Variants in BNC2 observed in about 807,000 individuals in gnomAD.
BNC2 encodes basonuclin zinc finger protein 2.
Under a neutral mutation model 76.3 loss-of-function variants are expected in BNC2, and 20 were observed. The observed-to-expected ratio is 0.26, with a 90% confidence interval of 0.18 to 0.38. BNC2 has a LOEUF of 0.38. Ranked by LOEUF, BNC2 falls within the 10% of genes least tolerant of loss-of-function variation. BNC2 has a pLI of 1.00. For missense variants in BNC2, 1,382 were observed against 1,399.8 expected, an observed-to-expected ratio of 0.99 and a Z score of 0.20; for synonymous variants, 582 against 514.8, an observed-to-expected ratio of 1.13 and a Z score of -1.77.
chr9:16,725,694 C>T (rs935663842), intron 3 of BNC2, among the ~76,000 whole-genome samples: 1 of 145,500 alleles, frequency 6.9e-6, no homozygotes, highest in Non-Finnish European at 1.5e-5. Flanking sequence ...CATATATGCA[C>T]ACACAGGTAC....
intron 3 of BNC2, among the ~76,000 whole-genome samples, chr9:16,689,131 CACAT>C (rs1421132699): frequency 7.6e-6 from 1 of 130,950 alleles, no homozygotes; most frequent in Non-Finnish European, 1.5e-5. Flanking sequence ...CACACACACA[CACAT>C]ACACACACTC....
chr9:16,849,026 TA>T (rs1173722813), intron 1 of BNC2, among the ~76,000 whole-genome samples: 7 of 152,204 alleles, frequency 4.6e-5, no homozygotes, highest in Non-Finnish European at 1.0e-4. Context: ...AAAATCTGAA[TA>T]AATCTGAATT....
chr9:16,630,049 T>G (rs982244094), intron 3 of BNC2, among the ~76,000 whole-genome samples: 2 of 152,242 alleles, frequency 1.3e-5, no homozygotes, highest in Non-Finnish European at 2.9e-5. Flanking sequence ...TCTTTCAAAC[T>G]CTGCCACTGC....
chr9:16,842,081 A>G (rs978700971), intron 1 of BNC2, among the ~76,000 whole-genome samples: 2 of 152,214 alleles, frequency 1.3e-5, no homozygotes, highest in Non-Finnish European at 2.9e-5. Flanking sequence ...AAGTGCTGGT[A>G]TTACAGGCGT....
In BNC2 at chr9:16,824,037, T is replaced by C. The variant is rs1818399449; in HGVS notation, c.3+46609A>G. Among the ~76,000 whole-genome samples, 3 of 152,304 alleles carry C rather than the reference T, an allele frequency of 2.0e-5. 1 individual carries two copies. The highest frequency in any genetic ancestry group is 3.9e-4 in the East Asian group (2 of 5,184). On this transcript the variant is annotated intron_variant, in intron 1 of 6. Transcript: ENST00000380672. ...GATTACACATATGTCCATTAATCAG[T>C]AGTGAGAATCTAAAACTAATTCCTG...
intron 5 of BNC2, among the ~76,000 whole-genome samples, chr9:16,453,773 T>C (rs1290413830): frequency 2.0e-5 from 3 of 152,190 alleles, no homozygotes; most frequent in South Asian, 2.1e-4. Flanking sequence ...GCTGAGATCA[T>C]GCCACTTTCC....
intron 4 of BNC2, among the ~76,000 whole-genome samples, chr9:16,570,933 T>C (rs1819305328): frequency 6.6e-6 from 1 of 152,206 alleles, no homozygotes; most frequent in African/African-American, 2.4e-5. Flanking sequence ...GTGCTTTGAA[T>C]TCTGTTTACT....
At chr9:16,569,978 A>G (rs1819274529) in intron 4 of BNC2, among the ~76,000 whole-genome samples, 1 of 152,194 alleles carries the variant, frequency 6.6e-6, no homozygotes, top group South Asian at 2.1e-4. Context: ...CTCATTTTAA[A>G]AGTAACTATT....
chr9:16,419,244 T>C lies in BNC2; in HGVS notation c.3045A>G (p.Leu1015=). The change falls in exon 7 of 7, where the codon CTA becomes CTG. Residue 1015 remains leucine, a synonymous_variant. Transcript: ENST00000380672. The part of the protein sequence containing the change: ...KAEAPALPGS[L]GAEVSGSLMF... Reference sequence around the variant, plus strand: ...TAAGAGATCCTGAAACTTCAGCCCCTAGGCTGCCAGGGAGGGCAGGGGCCT... The same window carrying C: ...TAAGAGATCCTGAAACTTCAGCCCCCAGGCTGCCAGGGAGGGCAGGGGCCT... The C allele has an allele frequency of 6.2e-7, 1 of 1,614,186 alleles. No homozygotes were observed. Among genetic ancestry groups the C allele is most frequent in the African/African-American group, 1.3e-5 (1 of 75,068 alleles).
intron 1 of BNC2, among the ~76,000 whole-genome samples, chr9:16,748,702 G>T (rs570023822): frequency 6.6e-6 from 1 of 151,192 alleles, no homozygotes; most frequent in South Asian, 2.1e-4. Context: ...AATTAGCCAG[G>T]CATGGTGGCA....
intron 1 of BNC2, among the ~76,000 whole-genome samples, chr9:16,852,884 T>C (rs1819160350): frequency 6.6e-6 from 1 of 152,072 alleles, no homozygotes; most frequent in South Asian, 2.1e-4. Context: ...CTATGGCCTG[T>C]GGAAAATCAG....
intron 1 of BNC2, among the ~76,000 whole-genome samples, chr9:16,801,780 C>A (rs949066796): frequency 6.7e-6 from 1 of 150,288 alleles, no homozygotes; most frequent in Non-Finnish European, 1.5e-5. Flanking sequence ...TGCCTCTCAA[C>A]TGTAAGTTAA....
intron 1 of BNC2, among the ~76,000 whole-genome samples, chr9:16,803,797 T>C (rs1012234492): frequency 2.0e-5 from 3 of 152,194 alleles, no homozygotes; most frequent in African/African-American, 7.2e-5. Flanking sequence ...GGCACTCGAG[T>C]GGGCAAACTG....
chr9:16,715,010 C>A (rs534173837), intron 3 of BNC2, among the ~76,000 whole-genome samples: 1 of 152,220 alleles, frequency 6.6e-6, no homozygotes, highest in South Asian at 2.1e-4. Context: ...AAGTTTTCCC[C>A]CTTGTGGTCC....
chr9:16,697,277 G>C (rs764495449), intron 3 of BNC2, among the ~76,000 whole-genome samples: 1 of 152,172 alleles, frequency 6.6e-6, no homozygotes, highest in South Asian at 2.1e-4. Flanking sequence ...AGAATCGCTT[G>C]AACCAGGTAG....
chr9:16,780,257 C>CAAAAAACAAAAAAA (rs1826111206), intron 1 of BNC2, among the ~76,000 whole-genome samples: 1 of 78,712 alleles, frequency 1.3e-5, no homozygotes, highest in Non-Finnish European at 2.7e-5. Flanking sequence ...AAAAAAAAAA[C>CAAAAAACAAAAAAA]AAAAAAAAAC....
intron 5 of BNC2, among the ~76,000 whole-genome samples, chr9:16,448,009 A>G (rs1821262806): frequency 6.6e-6 from 1 of 152,104 alleles, no homozygotes; most frequent in African/African-American, 2.4e-5. Context: ...ATCCTTAAGG[A>G]AAACACTAGA....
At chr9:16,717,632 T>C (rs1239096025) in intron 3 of BNC2, among the ~76,000 whole-genome samples, 1 of 152,170 alleles carries the variant, frequency 6.6e-6, no homozygotes, top group Non-Finnish European at 1.5e-5. Flanking sequence ...TACTTAATTG[T>C]TTTAAGATGA....
intron 3 of BNC2, among the ~76,000 whole-genome samples, chr9:16,690,441 A>T (rs911742658): frequency 1.3e-5 from 2 of 152,058 alleles, no homozygotes; most frequent in Non-Finnish European, 2.9e-5. Context: ...TGGGTGACAG[A>T]GTGAAACCCT....
Sources: allele counts gnomAD v4.1 joint callset (sites outside exome capture counted in the v4.1 genomes callset), GRCh38; gene constraint gnomAD v4.1.1; transcripts MANE v1.5; gene names NCBI Gene and HGNC (gene_info 2026-07-23, HGNC 2026-07-21).